NPIPA1: variants seen among roughly 807,000 people sequenced by gnomAD.
The protein encoded by NPIPA1 is nuclear pore complex interacting protein family member A1.
For synonymous variants in NPIPA1, 7 were observed against 88.0 expected (o/e 0.08, Z 5.15); for missense variants, 22 against 232.2 (o/e 0.09, Z 5.88).
intron 1 of NPIPA1, chr16:14,938,071 C>G (rs1597168456): frequency 2.8e-6 from 1 of 358,538 alleles, no homozygotes; most frequent in Non-Finnish European, 4.9e-6. Context: ...CTTACTTCCC[C>G]CCTTCCCCTC....
At chr16:14,937,886 G>GC (rs1884193862) in intron 1 of NPIPA1, among the ~76,000 whole-genome samples, 1 of 145,114 alleles carries the variant, frequency 6.9e-6, no homozygotes. Context: ...TTGCTCCTAA[G>GC]CCTCACGCTC....
chr16:14,948,359 T>C (rs1965943199), intron 4 of NPIPA1, among the ~76,000 whole-genome samples: 2 of 152,206 alleles, frequency 1.3e-5, no homozygotes, highest in African/African-American at 2.4e-5. Context: ...TTAAAGTCGA[T>C]GACAAGAGTT....
chr16:14,942,859 G>A (rs1239023190), intron 2 of NPIPA1, among the ~76,000 whole-genome samples: 1 of 152,268 alleles, frequency 6.6e-6, no homozygotes, highest in African/African-American at 2.4e-5. Context: ...TCTACATTTT[G>A]TCTTGCCATT....
intron 1 of NPIPA1, chr16:14,938,375 C>A (rs1409264243): frequency 7.8e-7 from 1 of 1,287,402 alleles, no homozygotes; most frequent in South Asian, 1.3e-5. Flanking sequence ...AGACGCTGGA[C>A]CCGCGGGGTT....
At chr16:14,945,084 T>A (rs1194626294) in intron 2 of NPIPA1, among the ~76,000 whole-genome samples, 140 of 147,214 alleles carry the variant, frequency 9.5e-4, no homozygotes, top group Admixed American at 7.6e-3. Flanking sequence ...GCTAATTTTG[T>A]ATTTTTAGCA....
chr16:14,944,907 ATTTTT>A (rs71270869), intron 2 of NPIPA1, among the ~76,000 whole-genome samples: 4 of 123,060 alleles, frequency 3.3e-5, no homozygotes, highest in African/African-American at 1.3e-4. Context: ...CCTGGCCTAT[ATTTTT>A]TTTTTTTTTT....
intron 1 of NPIPA1, among the ~76,000 whole-genome samples, chr16:14,940,418 A>C (rs1242467505): frequency 6.6e-6 from 1 of 152,176 alleles, no homozygotes; most frequent in African/African-American, 2.4e-5. Flanking sequence ...TAAAGAAAAG[A>C]TAACTACTGG....
chr16:14,942,713 A>G (rs1269384052), intron 2 of NPIPA1, among the ~76,000 whole-genome samples: 1 of 152,234 alleles, frequency 6.6e-6, no homozygotes, highest in African/African-American at 2.4e-5. Context: ...TTTGAATGAC[A>G]TCATTCAAAG....
intron 1 of NPIPA1, among the ~76,000 whole-genome samples, chr16:14,940,638 G>A (rs1301216657): frequency 7.2e-5 from 10 of 139,812 alleles, no homozygotes; most frequent in Admixed American, 1.5e-4. Context: ...CCCGGGAGGC[G>A]GAGGTTGCAG....
At chr16:14,943,354 AC>A (rs1487891754) in intron 2 of NPIPA1, among the ~76,000 whole-genome samples, 1 of 147,856 alleles carries the variant, frequency 6.8e-6, no homozygotes, top group African/African-American at 2.5e-5. Flanking sequence ...TCGGGGTTTT[AC>A]CATGTTGGCC....
intron 1 of NPIPA1, among the ~76,000 whole-genome samples, chr16:14,940,630 C>T (rs1419414532): frequency 3.4e-4 from 47 of 140,108 alleles, no homozygotes; most frequent in African/African-American, 7.9e-4. Context: ...CGCTTGAACC[C>T]GGGAGGCGGA....
chr16:14,938,253 G>C, intron 1 of NPIPA1: 1 of 1,435,970 alleles, frequency 7.0e-7, no homozygotes, highest in South Asian at 1.2e-5. Flanking sequence ...TCCTCTTTTG[G>C]CTCCTGCTGG....
chr16:14,944,796 G>T (rs1233288499), intron 2 of NPIPA1, among the ~76,000 whole-genome samples: 1 of 150,294 alleles, frequency 6.7e-6, no homozygotes, highest in Non-Finnish European at 1.5e-5. Flanking sequence ...AGTAGAGACG[G>T]GGTTTCACCA....
chr16:14,943,108 C>A (rs1317399621), intron 2 of NPIPA1, among the ~76,000 whole-genome samples: 4 of 151,376 alleles, frequency 2.6e-5, no homozygotes, highest in African/African-American at 9.7e-5. Flanking sequence ...GCCACTTAGT[C>A]CTGAACAGAG....
At chr16:14,943,250 G>A (rs1420086499) in intron 2 of NPIPA1, among the ~76,000 whole-genome samples, 1 of 151,490 alleles carries the variant, frequency 6.6e-6, no homozygotes, top group Admixed American at 6.6e-5. Context: ...TCCACCTCCT[G>A]GCTTCAAGTG....
chr16:14,947,209 T>A (rs1366122552), intron 4 of NPIPA1, among the ~76,000 whole-genome samples: 1 of 152,264 alleles, frequency 6.6e-6, no homozygotes. Context: ...ATATGACTGA[T>A]CTTTTTTTGT....
intron 2 of NPIPA1, among the ~76,000 whole-genome samples, chr16:14,943,308 C>G (rs541645605): frequency 0.08 from 8,841 of 110,156 alleles, no homozygotes; most frequent in African/African-American, 0.14. Context: ...AGGTGCCCAC[C>G]ACCATGCCCA....
At chr16:14,940,305 T>G (rs1965717934) in intron 1 of NPIPA1, among the ~76,000 whole-genome samples, 1 of 148,878 alleles carries the variant, frequency 6.7e-6, no homozygotes, top group African/African-American at 2.5e-5. Context: ...ATGACAAAGA[T>G]TCATATAATC....
intron 4 of NPIPA1, among the ~76,000 whole-genome samples, chr16:14,946,426 T>A (rs1965887280): frequency 6.7e-6 from 1 of 150,196 alleles, no homozygotes; most frequent in African/African-American, 2.4e-5. Context: ...TTCACCATGT[T>A]GTCCAGACTG....
Sources: gnomAD v4.1 joint callset for allele counts (sites outside exome capture counted in the v4.1 genomes callset) on GRCh38, gnomAD v4.1.1 for gene constraint, MANE v1.5 for transcripts, NCBI Gene and HGNC (gene_info 2026-07-23, HGNC 2026-07-21) for gene names.